UNC13C: variants seen among roughly 807,000 people sequenced by gnomAD.
UNC13C encodes the protein unc-13 homolog C, also known as protein unc-13 homolog C.
UNC13C carries 174 observed loss-of-function variants against 245.4 expected under a neutral mutation model. That is an observed-to-expected ratio of 0.71 (90% CI 0.63 to 0.80). The LOEUF is 0.80. UNC13C is among the 30% of genes least tolerant of loss of function. The probability of loss-of-function intolerance (pLI) is 0.00; values close to 1 mark genes in which losing one functional copy is unlikely to be tolerated. For missense variants in UNC13C, 2,829 were observed against 2,602.9 expected, an observed-to-expected ratio of 1.09 and a Z score of -1.89; for synonymous variants, 992 against 895.1, an observed-to-expected ratio of 1.11 and a Z score of -1.93.
At chr15:54,258,188 C>T (rs2036329208) in intron 8 of UNC13C, among the ~76,000 whole-genome samples, 1 of 151,876 alleles carries the variant, frequency 6.6e-6, no homozygotes, top group Admixed American at 6.6e-5. Context: ...GTTATTTTCT[C>T]TAGTTTTTTT....
chr15:54,602,902 C>G (rs538023683), intron 30 of UNC13C, among the ~76,000 whole-genome samples: 2 of 9,372 alleles, frequency 2.1e-4, no homozygotes, highest in African/African-American at 9.8e-3. Context: ...TTCCACATAT[C>G]CTTCTGTGTT....
At chr15:53,955,890 C>T in the UNC13C span, 1 of 152,190 alleles carries the variant, frequency 6.6e-6, no homozygotes, top group African/African-American at 2.4e-5. Context: ...ATGTTCACCA[C>T]AGCACAATTC....
At chr15:54,300,095 C>G (rs1246329860) in intron 12 of UNC13C, 115 bp from the exon 13 acceptor site, 1 of 876,702 alleles carries the variant, frequency 1.1e-6, no homozygotes, top group African/African-American at 1.7e-5. Context: ...CTTGCAGATG[C>G]TGATGAAACA....
chr15:54,031,278 C>T (rs1896346781), intron 2 of UNC13C, among the ~76,000 whole-genome samples: 1 of 152,190 alleles, frequency 6.6e-6, no homozygotes, highest in Non-Finnish European at 1.5e-5. Flanking sequence ...GGCTGGAGTG[C>T]AGTGGCACGA....
the UNC13C span, among the ~76,000 whole-genome samples, chr15:53,938,467 G>A: frequency 7.2e-5 from 11 of 152,204 alleles, no homozygotes; most frequent in East Asian, 1.2e-3. Context: ...GAAAATTAAC[G>A]AAGATAATCA....
At chr15:54,600,521 A>G (rs193009503) in intron 30 of UNC13C, among the ~76,000 whole-genome samples, 2 of 152,208 alleles carry the variant, frequency 1.3e-5, no homozygotes, top group Admixed American at 1.3e-4. Flanking sequence ...GGGGCCTTTT[A>G]GATTCCTTTG....
the UNC13C span, chr15:53,913,266 A>C: frequency 1.3e-5 from 2 of 152,342 alleles, no homozygotes; most frequent in Admixed American, 1.3e-4. Flanking sequence ...CACAAGCCCT[A>C]TGGGTAGTTG....
At chr15:54,528,220 C>A (rs147637327) in intron 25 of UNC13C, among the ~76,000 whole-genome samples, 1 of 152,084 alleles carries the variant, frequency 6.6e-6, no homozygotes. Flanking sequence ...AGTGATATAA[C>A]CTCAACAATA....
rs552373435 is a variant in UNC13C at position 54,439,548 on chromosome 15, G to A, written c.4933+24481G>A. ...AATCCTATTCTCTAGTCCTACATAA[G>A]CATACAAAATTTTATATAATTGTAA... On this transcript the variant is annotated intron_variant, in intron 19 of 32. Coordinates refer to ENST00000260323, the MANE Select transcript of UNC13C (RefSeq NM_001080534.3). 2.0e-5 allele frequency among the ~76,000 whole-genome samples: 3 copies of A among 151,816 alleles called. No homozygotes were observed. In the South Asian group the frequency reaches 6.2e-4, roughly 32 times the overall value.
chr15:53,922,448 G>T, the UNC13C span, among the ~76,000 whole-genome samples: 3 of 152,172 alleles, frequency 2.0e-5, no homozygotes, highest in African/African-American at 7.2e-5. Context: ...GCCAATGGGG[G>T]CAAATGGCTA....
At chr15:54,173,152 C>T (rs998878033) in intron 4 of UNC13C, among the ~76,000 whole-genome samples, 3 of 151,912 alleles carry the variant, frequency 2.0e-5, no homozygotes, top group Admixed American at 2.0e-4. Context: ...CCTTGAAAAT[C>T]AGAGTGTATT....
At chr15:54,205,359 A>G (rs17553569) in intron 4 of UNC13C, among the ~76,000 whole-genome samples, 29,065 of 151,906 alleles carry the variant, frequency 0.19, 3,038 homozygotes, top group East Asian at 0.24. Flanking sequence ...CTATCCTAAA[A>G]GACAATTTGT....
At chr15:54,296,693 T>C (rs141765758) in intron 11 of UNC13C, among the ~76,000 whole-genome samples, 101 of 152,294 alleles carry the variant, frequency 6.6e-4, no homozygotes, top group African/African-American at 2.4e-3. Flanking sequence ...ATGGTTTAAC[T>C]GTACCTTATA....
chr15:54,354,839 G>T (rs1280414117), intron 17 of UNC13C, among the ~76,000 whole-genome samples: 5 of 152,144 alleles, frequency 3.3e-5, no homozygotes, highest in Non-Finnish European at 7.4e-5. Flanking sequence ...TTGAATGTTT[G>T]TCCCCTCTAA....
chr15:54,218,705 C>T (rs1247584592), intron 4 of UNC13C, among the ~76,000 whole-genome samples: 1 of 151,802 alleles, frequency 6.6e-6, no homozygotes, highest in Non-Finnish European at 1.5e-5. Context: ...ATGGAAAAAT[C>T]ACTCTGTTGG....
intron 19 of UNC13C, among the ~76,000 whole-genome samples, chr15:54,466,155 G>A (rs1391581495): frequency 1.3e-5 from 2 of 151,962 alleles, no homozygotes; most frequent in Admixed American, 6.5e-5. Flanking sequence ...TCATGGAGGT[G>A]GAGAGTAGAA....
rs182915149 is a variant in UNC13C at position 53,996,413 on chromosome 15, G to A, written c.-256-16235G>A. ...TTTATTTCTTTAACACACTGCTTAG[G>A]CCCTTATGTCTTTGATTGCAGGGTT... On this transcript the variant is annotated intron_variant, in intron 1 of 32. Transcript: ENST00000260323. Among the ~76,000 whole-genome samples, 11 of 152,130 alleles carry A rather than the reference G, an allele frequency of 7.2e-5. No homozygotes were observed. In the East Asian group the frequency reaches 2.1e-3, roughly 29 times the overall value.
chr15:54,523,602 A>T (rs62022405), intron 24 of UNC13C, among the ~76,000 whole-genome samples: 7,556 of 152,252 alleles, frequency 0.05, 322 homozygotes, highest in Admixed American at 0.12. Context: ...AAAATAGCAT[A>T]ATTTTGTGCA....
chr15:53,981,310 A>G (rs1333473258), intron 1 of UNC13C, among the ~76,000 whole-genome samples: 1 of 152,088 alleles, frequency 6.6e-6, no homozygotes, highest in East Asian at 1.9e-4. Flanking sequence ...CATTCTCTAG[A>G]ATTTTTGAAG....
Sources: allele counts gnomAD v4.1 joint callset (sites outside exome capture counted in the v4.1 genomes callset), GRCh38; gene constraint gnomAD v4.1.1; transcripts MANE v1.5; gene names NCBI Gene and HGNC (gene_info 2026-07-23, HGNC 2026-07-21).